The following NACAD variants were observed in gnomAD, a reference collection of about 807,000 sequenced individuals.
NACAD encodes the protein NAC alpha domain containing.
NACAD carries 47 observed loss-of-function variants against 98.9 expected under a neutral mutation model. The observed-to-expected ratio is 0.48, with a 90% CI of 0.38 to 0.61. The LOEUF is 0.61. NACAD is among the 20% of genes least tolerant of loss of function. The pLI is 0.00. For synonymous variants in NACAD, 696 were observed against 767.2 expected (o/e 0.91, Z 1.53); for missense variants, 1,412 against 1,748.2 (o/e 0.81, Z 3.43).
In NACAD at chr7:45,083,364, G is replaced by C; in HGVS notation, c.2816C>G (p.Pro939Arg). The part of the protein sequence containing the change: ...QDTGPTSGPE[P>R]LAVATPQTLQ... ...GGTTTGAGGGGTGGCCACAGCCAGA[G>C]GCTCTGGACCTGAGGTGGGGCCTGT... The change falls in exon 2 of 8, where the codon CCT becomes CGT. Residue 939 changes from proline (P) to arginine (R), a missense_variant. Physicochemically the swap from Pro to Arg is moderately radical, Grantham distance 103. This residue lies in a region of NACAD where 572 missense variants were observed against 639.6 expected (regional missense o/e 0.89). Transcript: ENST00000490531. 6.4e-7 allele frequency: 1 copy of C among 1,551,428 alleles called. No individual in the cohort carries two copies. Among genetic ancestry groups the C allele is most frequent in the Non-Finnish European group, 8.7e-7 (1 of 1,147,030 alleles).
chr7:45,086,831 G>A (rs754690502), intron 1 of NACAD, among the ~76,000 whole-genome samples: 1 of 152,212 alleles, frequency 6.6e-6, no homozygotes, highest in African/African-American at 2.4e-5. Flanking sequence ...GGGCAGGAAC[G>A]GAGACCATGG....
In NACAD at chr7:45,080,912, C is replaced by T. The variant is rs1250070424; in HGVS notation, c.4515G>A (p.Leu1505=). 1 of 1,556,170 alleles carries T rather than the reference C, an allele frequency of 6.4e-7. No homozygotes were observed. The highest frequency in any genetic ancestry group is 8.7e-7 in the Non-Finnish European group (1 of 1,149,760). The change falls in exon 6 of 8, where the codon CTG becomes CTA. Residue 1505 remains leucine, a synonymous_variant. Coordinates refer to ENST00000490531, the MANE Select transcript of NACAD (RefSeq NM_001146334.2). ...CCTCCTCTTCCTCTTCCTTGCACTC[C>T]AGCCTCACCCGGGGCCTGGGTGCTG... The part of the protein sequence containing the change: ...PESAPRPRVR[L]ECKEEEEEEE...
Position 45,084,449 on chromosome 7 carries a change from T to C in NACAD, c.1731A>G (p.Arg577=). 1 of 1,552,012 alleles carries C rather than the reference T, an allele frequency of 6.4e-7. No individual in the cohort carries two copies. Among genetic ancestry groups the C allele is most frequent in the South Asian group, 1.2e-5 (1 of 84,064 alleles). ...EEGGLDLPSG[R]KPVAAATIVP... is the part of the protein sequence containing the mutation. The stretch of plus-strand genomic sequence containing the variant: ...CAATCGTGGCTGCAGCTACAGGCTT[T>C]CTGCCAGAGGGGAGGTCCAGCCCTC... Residue 577 remains arginine, a synonymous_variant, in exon 2 of 8, where the codon AGA becomes AGG. Coordinates refer to ENST00000490531, the MANE Select transcript of NACAD (RefSeq NM_001146334.2).
Position 45,085,375 on chromosome 7 carries a change from C to T in NACAD, c.805G>A (p.Gly269Arg). The change falls in exon 2 of 8, where the codon GGG becomes AGG. Residue 269 changes from glycine (G) to arginine (R), a missense_variant. By Grantham distance (125) the Gly-to-Arg change is moderately radical. This residue lies in a region of NACAD where 638 missense variants were observed against 722.7 expected (regional missense o/e 0.88). Coordinates refer to ENST00000490531, the MANE Select transcript of NACAD (RefSeq NM_001146334.2). The surrounding 1 kb of genome is among the most constrained non-coding windows in gnomAD (Gnocchi z 6.1). ...TCAGAGGACGGGGGCTCTGGGGTCC[C>T]TGCTGGGTGCAGCTCTCGTTCATCC... is the stretch of plus-strand genomic sequence containing the variant. ...MVDERELHPA[G>R]TPEPPSSESS... 1 of 1,549,150 alleles carries T rather than the reference C, an allele frequency of 6.5e-7. No individual in the cohort carries two copies. Among genetic ancestry groups the T allele is most frequent in the Non-Finnish European group, 8.7e-7 (1 of 1,146,008 alleles).
chr7:45,088,956 G>A lies in NACAD; in HGVS notation c.-62C>T, dbSNP rs1584016082. ...CGACCCTCCGTCAGTCCGTGCCGCC[G>A]CCCCGCCGAGCCTGCGCGGCCACCG... On this transcript the variant is annotated 5_prime_UTR_variant, in exon 1 of 8. Transcript: ENST00000490531. This position sits in a 1 kb window ranked among gnomAD's most constrained non-coding sequence, Gnocchi z 5.7. The A allele has an allele frequency of 3.2e-6, 4 of 1,235,910 alleles. No homozygotes were observed. In the East Asian group the frequency reaches 9.7e-5, roughly 30 times the overall value. The allele number at this position is 1,235,910 out of a possible 1,614,324, so 76.6% of individuals were successfully genotyped here. A position where few individuals can be genotyped will look rare whatever the true frequency, so the allele number is the denominator to read the frequency against.
chr7:45,081,719 C>G, intron 3 of NACAD, 36 bp downstream of exon 3: 2 of 1,551,184 alleles, frequency 1.3e-6, no homozygotes, highest in Non-Finnish European at 1.7e-6. Context: ...GTGTGGGGCC[C>G]TCCCAGAGGC....
chr7:45,087,252 T>C lies in NACAD; in HGVS notation c.68-1140A>G, dbSNP rs1293447428. 2.0e-5 allele frequency among the ~76,000 whole-genome samples: 3 copies of C among 152,236 alleles called. No homozygotes were observed. In the East Asian group the frequency reaches 5.8e-4, roughly 29 times the overall value. ...ATCACAGGCGAGATCACATTGCACA[T>C]TCAGTTTTGAATCTAGCTATTTTCA... is the stretch of plus-strand genomic sequence containing the variant. On this transcript the variant is annotated intron_variant, in intron 1 of 7. Transcript: ENST00000490531.
In NACAD at chr7:45,082,486, GAGC is replaced by G; in HGVS notation, c.3691_3693del (p.Ala1231del). On this transcript the variant is annotated inframe_deletion, in exon 2 of 8. Transcript: ENST00000490531. This position sits in a 1 kb window ranked among gnomAD's most constrained non-coding sequence, Gnocchi z 4.5. ...AGGGCTGCCCCAGCAAGGGTACCAG[GAGC>G]AGAAGGGTCAGGGCCCAGGGGCCTG... 3 of 1,549,628 alleles carry G rather than the reference GAGC, an allele frequency of 1.9e-6. No individual in the cohort carries two copies. The highest frequency in any genetic ancestry group is 2.6e-6 in the Non-Finnish European group (3 of 1,146,844).
rs1298544555 is a variant in NACAD at position 45,086,092 on chromosome 7, C to T, written c.88G>A (p.Ala30Thr). Residue 30 changes from alanine to threonine, a missense_variant, in exon 2 of 8, where the codon GCT (alanine) becomes ACT (threonine). Physicochemically the swap from Ala to Thr is moderately conservative, Grantham distance 58. Around this residue, in one of 5 missense-constraint regions of NACAD, gnomAD observed 638 missense variants for 722.7 expected, o/e 0.88. Transcript: ENST00000490531. ...PRTDLSCDAA[A>T]ATTILGGDRR... ...TCCCCTCCCAGGATGGTGGTGGCAG[C>T]GGCCGCATCGCAGGACAGATCTGTG... 1.7e-5 allele frequency: 26 copies of T among 1,535,730 alleles called. No individual in the cohort carries two copies. The East Asian group carries it at 2.4e-4, about 14-fold the overall frequency.
At position 45,084,581 on chromosome 7, in the gene NACAD, G is replaced by A. The variant is rs372418086; in HGVS notation, c.1599C>T (p.Ser533=). The A allele has an allele frequency of 1.6e-4, 253 of 1,551,826 alleles. No individual in the cohort carries two copies. The highest frequency in any genetic ancestry group is 2.0e-4 in the Non-Finnish European group (232 of 1,147,066). The change falls in exon 2 of 8, where the codon AGC becomes AGT. Residue 533 remains serine (S), a synonymous_variant. Coordinates refer to ENST00000490531, the MANE Select transcript of NACAD (RefSeq NM_001146334.2). ...AMPQPSQEGI[S]EILGQESVTA... ...TGACAGACTCTTGGCCTAAGATCTC[G>A]CTGATGCCCTCCTGGGAGGGCTGAG...
In NACAD at chr7:45,085,351, C is replaced by CA; in HGVS notation, c.828dup (p.Glu277Ter). 2 of 1,550,590 alleles carry CA rather than the reference C, an allele frequency of 1.3e-6. No individual in the cohort carries two copies. Among genetic ancestry groups the CA allele is most frequent in the Non-Finnish European group, 1.7e-6 (2 of 1,146,702 alleles). On this transcript the variant is annotated frameshift_variant, in exon 2 of 8. Coordinates refer to ENST00000490531, the MANE Select transcript of NACAD (RefSeq NM_001146334.2). LOFTEE classifies it high-confidence loss of function. The surrounding 1 kb of genome is among the most constrained non-coding windows in gnomAD (Gnocchi z 6.1). ...CTGCTGTCTGCAGAGAGGCTGGACT[C>CA]AGAGGACGGGGGCTCTGGGGTCCCT...
At position 45,083,281 on chromosome 7, in the gene NACAD, G is replaced by C. The variant is rs1355132945; in HGVS notation, c.2899C>G (p.Gln967Glu). The C allele has an allele frequency of 1.9e-6, 3 of 1,551,118 alleles. No individual in the cohort carries two copies. In the Admixed American group the frequency reaches 5.9e-5, roughly 30 times the overall value. ...GTEPVATMAQ[Q>E]EVGEALGPRP... is the part of the protein sequence containing the mutation. ...GGGCCTAAGGCCTCACCTACTTCCT[G>C]CTGAGCCATGGTGGCCACAGGCTCT... Residue 967 changes from glutamine (Q) to glutamate (E), a missense_variant, in exon 2 of 8, where the codon CAG (glutamine) becomes GAG (glutamate). By Grantham distance (29) the Gln-to-Glu change is conservative (BLOSUM62 2). Around this residue, in one of 5 missense-constraint regions of NACAD, gnomAD observed 572 missense variants for 639.6 expected, o/e 0.89. Coordinates refer to ENST00000490531, the MANE Select transcript of NACAD (RefSeq NM_001146334.2).
Position 45,082,382 on chromosome 7 carries a change from G to A in NACAD, c.3798C>T (p.Gly1266=), listed in dbSNP as rs764877479. The A allele has an allele frequency of 1.9e-6, 3 of 1,549,994 alleles. No homozygotes were observed. Among genetic ancestry groups the A allele is most frequent in the Non-Finnish European group, 1.7e-6 (2 of 1,146,838 alleles). The change falls in exon 2 of 8, where the codon GGC becomes GGT. Residue 1266 remains glycine, a synonymous_variant. Transcript: ENST00000490531. This position sits in a 1 kb window ranked among gnomAD's most constrained non-coding sequence, Gnocchi z 4.5. ...CCTGGGGCGGTGGGAGGCCCAGAGA[G>A]CCTGGGGGCTCCTCGTCTTCCACAG... ...EDSVEDEEPP[G]SLGLPPPQAG...
chr7:45,082,558 G>A lies in NACAD; in HGVS notation c.3622C>T (p.Pro1208Ser), dbSNP rs771087402. 3.2e-6 allele frequency: 5 copies of A among 1,547,434 alleles called. No individual in the cohort carries two copies. The highest frequency in any genetic ancestry group is 2.7e-5 in the African/African-American group (2 of 72,998). Residue 1208 changes from proline to serine, a missense_variant, in exon 2 of 8, where the codon CCC becomes TCC. Physicochemically the swap from Pro to Ser is moderately conservative, Grantham distance 74. Transcript: ENST00000490531. This position sits in a 1 kb window ranked among gnomAD's most constrained non-coding sequence, Gnocchi z 4.5. ...PSVLGTPLLQ[P>S]PENLAKGQPS... ...TGACCCTTGGCAAGGTTTTCTGGGG[G>A]CTGCAGCAAGGGGGTGCCAAGGACA...
Position 45,085,775 on chromosome 7 carries a change from G to A in NACAD, c.405C>T (p.Ala135=), listed in dbSNP as rs1447741883. The A allele has an allele frequency of 3.9e-6, 6 of 1,546,828 alleles. No individual in the cohort carries two copies. The highest frequency in any genetic ancestry group is 4.4e-6 in the Non-Finnish European group (5 of 1,145,288). ...TCQALLSPRA[A]RTALRDQEGG... ...CCTCCTGGTCCCTGAGCGCTGTCCG[G>A]GCAGCTCTGGGTGACAGGAGGGCCT... The change falls in exon 2 of 8, where the codon GCC becomes GCT. Residue 135 remains alanine (A), a synonymous_variant. Transcript: ENST00000490531. This position sits in a 1 kb window ranked among gnomAD's most constrained non-coding sequence, Gnocchi z 6.1.
rs1473684484 is a variant in NACAD, at chr7:45,082,075, C to T, written c.4072+33G>A. 46 of 1,462,576 alleles carry T rather than the reference C, an allele frequency of 3.1e-5. No individual in the cohort carries two copies. Among genetic ancestry groups the T allele is most frequent in the African/African-American group, 2.9e-5 (2 of 70,048 alleles). 90.6% of individuals were successfully genotyped at this position (1,462,576 alleles called of 1,614,324 possible). On this transcript the variant is annotated intron_variant, in intron 2 of 7. Transcript: ENST00000490531. The surrounding 1 kb of genome is among the most constrained non-coding windows in gnomAD (Gnocchi z 4.5). ...AAGGAGGAGTCCAGTTGACCCAAGC[C>T]CCAGGGCACTTCACTCCCACCCTCT...
chr7:45,085,398 T>C lies in NACAD; in HGVS notation c.782A>G (p.Asp261Gly), dbSNP rs1202757825. 1 of 1,547,190 alleles carries C rather than the reference T, an allele frequency of 6.5e-7. No homozygotes were observed. Among genetic ancestry groups the C allele is most frequent in the Admixed American group, 2.0e-5 (1 of 50,660 alleles). ...WGLSPQGSMV[D>G]ERELHPAGTP... ...CCCTGCTGGGTGCAGCTCTCGTTCA[T>C]CCACCATGGACCCCTGCGGGGACAG... Residue 261 changes from aspartate (D) to glycine (G), a missense_variant, in exon 2 of 8, where the codon GAT (aspartate) becomes GGT (glycine). Physicochemically the swap from Asp to Gly is moderately conservative, Grantham distance 94. Around this residue, in one of 5 missense-constraint regions of NACAD, gnomAD observed 638 missense variants for 722.7 expected, o/e 0.88. Transcript: ENST00000490531. The surrounding 1 kb of genome is among the most constrained non-coding windows in gnomAD (Gnocchi z 6.1).
At position 45,082,015 on chromosome 7, in the gene NACAD, G is replaced by T; in HGVS notation, c.4072+93C>A. On this transcript the variant is annotated intron_variant, in intron 2 of 7. Transcript: ENST00000490531. This position sits in a 1 kb window ranked among gnomAD's most constrained non-coding sequence, Gnocchi z 4.5. ...CTGTGGGGTCTGGGCCCCCCACCTC[G>T]CCACCTCAGAGGCCCTCCAGCTCAG... The T allele has an allele frequency of 6.8e-7, 1 of 1,461,370 alleles. No individual in the cohort carries two copies. Among genetic ancestry groups the T allele is most frequent in the Non-Finnish European group, 9.1e-7 (1 of 1,102,360 alleles). The allele number at this position is 1,461,370 out of a possible 1,614,324, so 90.5% of individuals were successfully genotyped here. A position where few individuals can be genotyped will look rare whatever the true frequency, so the allele number is the denominator to read the frequency against.
chr7:45,083,398 G>A lies in NACAD; in HGVS notation c.2782C>T (p.Leu928=). The A allele has an allele frequency of 1.0e-5, 16 of 1,551,176 alleles. 1 individual carries two copies. In the South Asian group the frequency reaches 1.9e-4, roughly 18 times the overall value. ...CCTGAGGTGGGGCCTGTGTCTTGCA[G>A]AGGCAGAGGTGCTGTCATAGCGGAG... The part of the protein sequence containing the change: ...QDSAMTAPLP[L]QDTGPTSGPE... The change falls in exon 2 of 8, where the codon CTG becomes TTG. Residue 928 remains leucine, a synonymous_variant. Transcript: ENST00000490531.
Sources: allele counts gnomAD v4.1 joint callset (sites outside exome capture counted in the v4.1 genomes callset), GRCh38; gene constraint gnomAD v4.1.1; regional missense constraint gnomAD v4.1.1; non-coding constraint Gnocchi (gnomAD v3.1); transcripts MANE v1.5; gene names NCBI Gene and HGNC (gene_info 2026-07-23, HGNC 2026-07-21).